GLYR1: variants seen among roughly 807,000 people sequenced by gnomAD.
GLYR1 encodes the protein glyoxylate reductase 1 homolog, also known as cytokine-like nuclear factor N-PAC.
Under a neutral mutation model 72.7 loss-of-function variants are expected in GLYR1, and 21 were observed. The ratio of observed to expected loss-of-function variants is 0.29; its 90% confidence interval spans 0.20 to 0.42. GLYR1 has a LOEUF of 0.42. Among genes scored for constraint, GLYR1 ranks in the 10% least tolerant of loss-of-function variants. The pLI is 1.00. For missense variants in GLYR1, 594 were observed against 712.1 expected, an observed-to-expected ratio of 0.83 and a Z score of 1.89; for synonymous variants, 392 against 270.2, an observed-to-expected ratio of 1.45 and a Z score of -4.42.
chr16:4,840,009 G>T (rs1596404469), intron 3 of GLYR1: 1 of 152,236 alleles, frequency 6.6e-6, no homozygotes, highest in African/African-American at 2.4e-5. Flanking sequence ...TGGACCACAT[G>T]CCCCCTCCCT....
intron 1 of GLYR1, chr16:4,846,981 G>A (rs1567849995): frequency 5.5e-6 from 3 of 542,392 alleles, no homozygotes; most frequent in Non-Finnish European, 9.7e-6. Flanking sequence ...TGGGCCCCGA[G>A]TGCAGACCCC....
At chr16:4,840,588 G>T (rs970731246) in intron 3 of GLYR1, among the ~76,000 whole-genome samples, 1 of 151,966 alleles carries the variant, frequency 6.6e-6, no homozygotes, top group Non-Finnish European at 1.5e-5. Flanking sequence ...ATCTCTCTCA[G>T]TTTTCCATAC....
intron 15 of GLYR1, among the ~76,000 whole-genome samples, chr16:4,810,893 T>TC (rs1471622966): frequency 6.7e-6 from 1 of 150,288 alleles, no homozygotes; most frequent in African/African-American, 2.4e-5. Flanking sequence ...TCACCTGAGG[T>TC]CAGGAGTTCG....
chr16:4,805,358 A>G (rs370575882), intron 15 of GLYR1, 48 bp from the exon 16 acceptor site: 14 of 1,516,542 alleles, frequency 9.2e-6, no homozygotes, highest in South Asian at 1.2e-5. Context: ...AGCTGCCTTC[A>G]AGACCTAGAC....
In GLYR1 at chr16:4,811,633, C is replaced by T. The variant is rs777762239; in HGVS notation, c.1452G>A (p.Gln484=). The T allele has an allele frequency of 1.2e-6, 2 of 1,613,974 alleles. No homozygotes were observed. The highest frequency in any genetic ancestry group is 2.2e-5 in the South Asian group (2 of 91,068). Residue 484 remains glutamine (Q), a synonymous_variant, in exon 14 of 16, where the codon CAG becomes CAA. Coordinates refer to ENST00000321919, the MANE Select transcript of GLYR1 (RefSeq NM_032569.4). The part of the protein sequence containing the change: ...QGQLASIFLD[Q]KCQNILQGNF... Reference sequence around the variant, plus strand: ...CCAAAAACAACTCACTTTGGCACTTCTGGTCCAGGAAGATGCTGGCCAACT... The same window carrying T: ...CCAAAAACAACTCACTTTGGCACTTTTGGTCCAGGAAGATGCTGGCCAACT...
intron 5 of GLYR1, among the ~76,000 whole-genome samples, chr16:4,827,569 T>C (rs1211396281): frequency 6.6e-6 from 1 of 151,414 alleles, no homozygotes; most frequent in African/African-American, 2.4e-5. Flanking sequence ...TATTGTGCTT[T>C]GTAGGTGTTG....
rs756003371 is a variant in GLYR1 at position 4,822,898 on chromosome 16, AATG to A, written c.655_657del (p.His219del). The A allele has an allele frequency of 1.9e-6, 3 of 1,614,224 alleles. No individual in the cohort carries two copies. The highest frequency in any genetic ancestry group is 1.7e-6 in the Non-Finnish European group (2 of 1,180,020). On this transcript the variant is annotated inframe_deletion, in exon 7 of 16. Coordinates refer to ENST00000321919, the MANE Select transcript of GLYR1 (RefSeq NM_032569.4). ...ACCTTCTCTGTTTGGCTTAGCAGGAAATGATGGAAATGAGGATCTGCATCTTTA... is the reference window on the plus strand; with the variant it reads ...ACCTTCTCTGTTTGGCTTAGCAGGAAATGGAAATGAGGATCTGCATCTTTA...
chr16:4,816,720 T>TC (rs1469798896), intron 10 of GLYR1, among the ~76,000 whole-genome samples: 2 of 152,102 alleles, frequency 1.3e-5, no homozygotes, highest in Non-Finnish European at 2.9e-5. Flanking sequence ...GCACAGTGGC[T>TC]CACACCCGTA....
intron 5 of GLYR1, among the ~76,000 whole-genome samples, chr16:4,824,498 CA>C (rs142627380): frequency 1.2e-3 from 114 of 95,118 alleles, no homozygotes; most frequent in African/African-American, 2.4e-3. Context: ...GACTCCATCT[CA>C]AAAAAAAAAA....
chr16:4,826,126 C>T (rs2084366321), intron 5 of GLYR1, among the ~76,000 whole-genome samples: 1 of 152,158 alleles, frequency 6.6e-6, no homozygotes, highest in South Asian at 2.1e-4. Flanking sequence ...TGGCTCACTG[C>T]AGCCTCAACC....
chr16:4,811,560 C>G (rs1436995339), intron 14 of GLYR1, 63 bp downstream of exon 14: 2 of 1,584,538 alleles, frequency 1.3e-6, no homozygotes, highest in Admixed American at 1.7e-5. Context: ...CACTAAATCC[C>G]TGACCTAGTA....
In GLYR1 at chr16:4,814,642, A is replaced by T. The variant is rs1407703867; in HGVS notation, c.912T>A (p.Asp304Glu). ...GACGGGCCCCCTCCTGGATGAACAA[A>T]TCACACTGCAAAAGTCACAGATCCT... ...TVWNRTAEKC[D>E]LFIQEGARLG... The change falls in exon 11 of 16, where the codon GAT (aspartate) becomes GAA (glutamate). Residue 304 changes from aspartate (D) to glutamate (E), a missense_variant. By Grantham distance (45) the Asp-to-Glu change is conservative. This residue lies in a region of GLYR1 where 266 missense variants were observed against 358.4 expected (regional missense o/e 0.74). Transcript: ENST00000321919. 1 of 1,612,358 alleles carries T rather than the reference A, an allele frequency of 6.2e-7. No individual in the cohort carries two copies. The highest frequency in any genetic ancestry group is 8.5e-7 in the Non-Finnish European group (1 of 1,178,540).
intron 3 of GLYR1, among the ~76,000 whole-genome samples, chr16:4,844,340 C>T (rs2085795792): frequency 6.6e-6 from 1 of 151,156 alleles, no homozygotes. Context: ...AATGTCAAAG[C>T]AAATCACTTA....
intron 14 of GLYR1, 26 bp from the exon 15 acceptor site, chr16:4,811,320 CA>C (rs762688322): frequency 6.2e-7 from 1 of 1,612,282 alleles, no homozygotes; most frequent in African/African-American, 1.3e-5. Flanking sequence ...CAGTATCAGA[CA>C]AAAGCCAAGG....
In GLYR1 at chr16:4,813,636, G is replaced by T. The variant is rs1596317178; in HGVS notation, c.1119+101C>A. 3 of 1,007,290 alleles carry T rather than the reference G, an allele frequency of 3.0e-6. No individual in the cohort carries two copies. In the East Asian group the frequency reaches 7.8e-5, roughly 26 times the overall value. 62.4% of individuals were successfully genotyped at this position (1,007,290 alleles called of 1,614,324 possible). On this transcript the variant is annotated intron_variant, in intron 12 of 15. Coordinates refer to ENST00000321919, the MANE Select transcript of GLYR1 (RefSeq NM_032569.4). ...TACTCGCCTCTCCTCTTCCCTCTCT[G>T]GCTTTGGCTCTAGAGTAACTTAACT...
rs752668148 is a variant in GLYR1 at position 4,813,605 on chromosome 16, C to G, written c.1119+132G>C. On this transcript the variant is annotated intron_variant, in intron 12 of 15. Transcript: ENST00000321919. ...GGTGGAGCACGGGATAGGCTAGTCCCAAGGCTACTCGCCTCTCCTCTTCCC... is the reference window on the plus strand; with the variant it reads ...GGTGGAGCACGGGATAGGCTAGTCCGAAGGCTACTCGCCTCTCCTCTTCCC... The G allele has an allele frequency of 1.3e-4, 102 of 775,282 alleles. 1 individual carries two copies. Among genetic ancestry groups the G allele is most frequent in the Non-Finnish European group, 2.1e-4 (98 of 460,254 alleles). The allele number at this position is 775,282 out of a possible 1,614,324, so 48.0% of individuals were successfully genotyped here.
chr16:4,844,043 G>A (rs910571485), intron 3 of GLYR1: 4 of 153,324 alleles, frequency 2.6e-5, no homozygotes, highest in Admixed American at 6.6e-5. Flanking sequence ...GTACCCGAGA[G>A]GTGGAGGTTG....
At chr16:4,817,507 C>T (rs1039774880) in intron 10 of GLYR1, 91 bp downstream of exon 10, 33 of 771,718 alleles carry the variant, frequency 4.3e-5, no homozygotes, top group East Asian at 1.5e-4. Flanking sequence ...TTCTATTGCA[C>T]GCAGAACGCT....
intron 3 of GLYR1, among the ~76,000 whole-genome samples, chr16:4,833,795 C>T (rs1367014623): frequency 6.6e-6 from 1 of 152,238 alleles, no homozygotes; most frequent in East Asian, 1.9e-4. Flanking sequence ...ATCTGTCACA[C>T]TAACCTGAAC....
Sources: gnomAD v4.1 joint callset for allele counts (sites outside exome capture counted in the v4.1 genomes callset) on GRCh38, gnomAD v4.1.1 for gene constraint, gnomAD v4.1.1 regional missense constraint, MANE v1.5 for transcripts, NCBI Gene and HGNC (gene_info 2026-07-23, HGNC 2026-07-21) for gene names.